The following RABGAP1L variants were observed in gnomAD, a reference collection of about 807,000 sequenced individuals.
RABGAP1L encodes rab GTPase-activating protein 1-like.
In RABGAP1L, 63 loss-of-function variants were observed where a neutral mutation model predicts 137.7. The ratio of observed to expected loss-of-function variants is 0.46; its 90% CI spans 0.37 to 0.56. RABGAP1L has a LOEUF of 0.56. Ranked by LOEUF, RABGAP1L falls within the 20% of genes least tolerant of loss-of-function variation. The pLI is 0.00. For missense variants in RABGAP1L, 1,095 were observed against 1,244.0 expected (o/e 0.88, Z 1.80); for synonymous variants, 431 against 433.7 (o/e 0.99, Z 0.08).
At chr1:174,231,450 A>C in intron 4 of RABGAP1L, 95 bp downstream of exon 4, 1 of 1,126,254 alleles carries the variant, frequency 8.9e-7, no homozygotes, top group South Asian at 1.3e-5. Flanking sequence ...CTTACTGTGA[A>C]CTCACACTGT....
chr1:174,863,689 G>C (rs7545910), intron 19 of RABGAP1L, among the ~76,000 whole-genome samples: 1 of 147,940 alleles, frequency 6.8e-6, no homozygotes, highest in Non-Finnish European at 1.5e-5. Context: ...AAAAAAAAAG[G>C]AATGTTTTCT....
intron 17 of RABGAP1L, among the ~76,000 whole-genome samples, chr1:174,716,866 T>TG (rs1681064032): frequency 6.6e-6 from 1 of 152,192 alleles, no homozygotes; most frequent in Non-Finnish European, 1.5e-5. Flanking sequence ...GGTAATTATT[T>TG]CTTAAGGCAC....
At chr1:174,324,158 T>A (rs1680246413) in intron 11 of RABGAP1L, among the ~76,000 whole-genome samples, 1 of 152,144 alleles carries the variant, frequency 6.6e-6, no homozygotes, top group Non-Finnish European at 1.5e-5. Context: ...CTAAATTAGA[T>A]CAATATTCAT....
At chr1:174,374,815 G>A (rs1226046425) in intron 12 of RABGAP1L, among the ~76,000 whole-genome samples, 2 of 152,096 alleles carry the variant, frequency 1.3e-5, no homozygotes, top group Admixed American at 6.6e-5. Flanking sequence ...TTCAGAAGTG[G>A]AATAATGTTT....
intron 1 of RABGAP1L, among the ~76,000 whole-genome samples, chr1:174,168,877 G>C (rs937186065): frequency 6.6e-6 from 1 of 152,056 alleles, no homozygotes; most frequent in Admixed American, 6.6e-5. Context: ...ATATTTATGG[G>C]GTACAAGTGC....
Position 174,448,827 on chromosome 1 carries a change from A to T in RABGAP1L, c.1710+54682A>T. On this transcript the variant is annotated intron_variant, in intron 13 of 25. Transcript: ENST00000681986. This position sits in a 1 kb window ranked among gnomAD's most constrained non-coding sequence, Gnocchi z 4.2. ...CGTCAGCACACCAAAGAGATAAATG[A>T]CCGAAGAGCCCGATTCCCTAGTCAT... is the stretch of plus-strand genomic sequence containing the variant. 1.9e-6 allele frequency: 3 copies of T among 1,614,132 alleles called. No homozygotes were observed. Among genetic ancestry groups the T allele is most frequent in the Non-Finnish European group, 2.5e-6 (3 of 1,179,986 alleles).
intron 17 of RABGAP1L, among the ~76,000 whole-genome samples, chr1:174,712,484 A>C (rs1680632805): frequency 6.6e-6 from 1 of 152,214 alleles, no homozygotes; most frequent in Admixed American, 6.5e-5. Context: ...CAGCGAGACC[A>C]CGAACCCACC....
chr1:174,716,913 G>A (rs557464493), intron 17 of RABGAP1L, among the ~76,000 whole-genome samples: 2 of 152,156 alleles, frequency 1.3e-5, no homozygotes, highest in East Asian at 1.9e-4. Flanking sequence ...TACTTACTTC[G>A]TGTAGTTGTT....
chr1:174,971,575 A>G (rs1670136570), intron 21 of RABGAP1L, among the ~76,000 whole-genome samples: 2 of 149,860 alleles, frequency 1.3e-5, no homozygotes, highest in South Asian at 4.2e-4. Flanking sequence ...CTTTTTATCT[A>G]GATGAAAGAA....
intron 19 of RABGAP1L, among the ~76,000 whole-genome samples, chr1:174,840,545 C>G (rs1693261270): frequency 6.6e-6 from 1 of 151,264 alleles, no homozygotes; most frequent in Non-Finnish European, 1.5e-5. Flanking sequence ...GGCACGGTGA[C>G]TCACGCCTGT....
intron 13 of RABGAP1L, among the ~76,000 whole-genome samples, chr1:174,406,895 A>T (rs775558848): frequency 6.6e-6 from 1 of 152,220 alleles, no homozygotes; most frequent in Non-Finnish European, 1.5e-5. Context: ...ACCCACAATT[A>T]CTTTTGCATC....
chr1:174,785,230 A>G (rs2148779326), intron 18 of RABGAP1L, among the ~76,000 whole-genome samples: 1 of 152,082 alleles, frequency 6.6e-6, no homozygotes, highest in Admixed American at 6.5e-5. Flanking sequence ...AATCACAACT[A>G]ATTTTGTATT....
In RABGAP1L at chr1:174,652,162, C is replaced by G. The variant is rs372803423; in HGVS notation, c.1824+14674C>G. 9.2e-5 allele frequency among the ~76,000 whole-genome samples: 14 copies of G among 152,290 alleles called. No individual in the cohort carries two copies. The East Asian group carries it at 9.7e-4, about 11-fold the overall frequency. On this transcript the variant is annotated intron_variant, in intron 14 of 25. Transcript: ENST00000681986. ...TTTCTTTAAGAATGTTGAATATCGG[C>G]CCCCACTCTCTTCTAGCTTGTAGAC... is the stretch of plus-strand genomic sequence containing the variant.
intron 12 of RABGAP1L, among the ~76,000 whole-genome samples, chr1:174,371,637 A>T (rs1685119957): frequency 6.6e-6 from 1 of 152,092 alleles, no homozygotes. Context: ...TACATTTTTT[A>T]AAATGGTAAT....
intron 19 of RABGAP1L, among the ~76,000 whole-genome samples, chr1:174,833,468 A>ATATATATATATATATATATATAT (rs1279866308): frequency 4.5e-4 from 48 of 107,306 alleles, no homozygotes; most frequent in Non-Finnish European, 5.7e-4. Flanking sequence ...ATATATATAT[A>ATATATATATATATATATATATAT]GTAGAGACAG....
intron 17 of RABGAP1L, among the ~76,000 whole-genome samples, chr1:174,722,459 T>G (rs1194441947): frequency 2.0e-5 from 3 of 152,116 alleles, no homozygotes; most frequent in Admixed American, 2.0e-4. Flanking sequence ...AAGCTTCTTT[T>G]TTTTTTTGAG....
intron 13 of RABGAP1L, among the ~76,000 whole-genome samples, chr1:174,514,759 A>G (rs1202273749): frequency 1.1e-4 from 16 of 152,090 alleles, no homozygotes; most frequent in South Asian, 8.3e-4. Flanking sequence ...TTTAATCACA[A>G]TTCTTTCTGA....
chr1:174,976,663 C>T (rs140029503), intron 22 of RABGAP1L, among the ~76,000 whole-genome samples: 4 of 152,340 alleles, frequency 2.6e-5, no homozygotes, highest in African/African-American at 4.8e-5. Context: ...TAAGCAGCAT[C>T]AGTATTCCTG....
intron 11 of RABGAP1L, among the ~76,000 whole-genome samples, chr1:174,363,221 C>T (rs1684299668): frequency 6.6e-6 from 1 of 152,172 alleles, no homozygotes; most frequent in South Asian, 2.1e-4. Flanking sequence ...AGCATGATGT[C>T]TCCAGCTTTG....
Sources: gnomAD v4.1 joint callset for allele counts (sites outside exome capture counted in the v4.1 genomes callset) on GRCh38, gnomAD v4.1.1 for gene constraint, Gnocchi (gnomAD v3.1) non-coding constraint, MANE v1.5 for transcripts, NCBI Gene and HGNC (gene_info 2026-07-23, HGNC 2026-07-21) for gene names.